TRIM41: variants seen among roughly 807,000 people sequenced by gnomAD.
TRIM41 encodes tripartite motif containing 41, also known as E3 ubiquitin-protein ligase TRIM41.
Under a neutral mutation model 60.6 loss-of-function variants are expected in TRIM41, and 21 were observed. That is an observed-to-expected ratio of 0.35 (90% CI 0.25 to 0.50). TRIM41 has a LOEUF of 0.50. TRIM41 is among the 20% of genes least tolerant of loss of function. The probability of loss-of-function intolerance (pLI) is 0.98; values close to 1 mark genes in which losing one functional copy is unlikely to be tolerated. For synonymous variants in TRIM41, 407 were observed against 344.9 expected (o/e 1.18, Z -2.00); for missense variants, 846 against 868.3 (o/e 0.97, Z 0.32).
chr5:181,228,944 A>AC (rs1407526109), intron 1 of TRIM41: 3 of 151,672 alleles, frequency 2.0e-5, no homozygotes, highest in African/African-American at 7.3e-5. Context: ...AAAAAAAAAA[A>AC]AAAAAAAAAA....
At position 181,223,945 on chromosome 5, in the gene TRIM41, A is replaced by T; in HGVS notation, c.-55A>T. ...GGTCGCCAGGGCGTCGGTAGGGAAG[A>T]CCCCCGCCCCTCGCCCCCCCACCGA... On this transcript the variant is annotated 5_prime_UTR_variant, in exon 1 of 6. Coordinates refer to ENST00000315073, the MANE Select transcript of TRIM41 (RefSeq NM_033549.5). The T allele has an allele frequency of 2.6e-6, 4 of 1,512,204 alleles. No homozygotes were observed. Among genetic ancestry groups the T allele is most frequent in the Non-Finnish European group, 2.7e-6 (3 of 1,117,336 alleles). The allele number at this position is 1,512,204 out of a possible 1,614,324, so 93.7% of individuals were successfully genotyped here. A position where few individuals can be genotyped will look rare whatever the true frequency, so the allele number is the denominator to read the frequency against.
At chr5:181,229,944 G>C (rs1037648350) in intron 1 of TRIM41, 2 of 152,416 alleles carry the variant, frequency 1.3e-5, no homozygotes, top group Non-Finnish European at 2.9e-5. Context: ...GGAAGGCGTT[G>C]AGTGTAGAGG....
At chr5:181,230,565 G>A (rs1033947040) in intron 1 of TRIM41, 179 bp from the exon 2 acceptor site, 1 of 474,900 alleles carries the variant, frequency 2.1e-6, no homozygotes, top group East Asian at 3.7e-5. Context: ...AGAGGGATTG[G>A]AGGCTTTTGT....
In TRIM41 at chr5:181,234,747, A is replaced by G. The variant is rs1245074234; in HGVS notation, c.1865A>G (p.Lys622Arg). ...TTTCCTTTCTTCCGGGTGCTCTCCA[A>G]GGGCACCCGCATCAAGCTCTGCCCT... is the stretch of plus-strand genomic sequence containing the variant. The part of the protein sequence containing the change: ...RVFPFFRVLS[K>R]GTRIKLCP Residue 622 changes from lysine to arginine, a missense_variant, in exon 6 of 6, where the codon AAG becomes AGG. By Grantham distance (26) the Lys-to-Arg change is conservative (BLOSUM62 2). Transcript: ENST00000315073. This position sits in a 1 kb window ranked among gnomAD's most constrained non-coding sequence, Gnocchi z 5.6. The G allele has an allele frequency of 6.2e-7, 1 of 1,613,314 alleles. No individual in the cohort carries two copies. The highest frequency in any genetic ancestry group is 1.3e-5 in the African/African-American group (1 of 74,942).
Position 181,224,531 on chromosome 5 carries a change from C to T in TRIM41, c.532C>T (p.Arg178Trp). ...VTPLPPPPAP[R>W]RCFTCPQCRK... is the part of the protein sequence containing the mutation. ...CCCACTGCCCCCGCCTCCAGCCCCT[C>T]GGAGGTGCTTCACATGCCCTCAGTG... Residue 178 changes from arginine to tryptophan, a missense_variant, in exon 1 of 6, where the codon CGG becomes TGG. Arg to Trp is a moderately radical substitution (Grantham distance 101, BLOSUM62 -3). Transcript: ENST00000315073. 2 of 1,612,584 alleles carry T rather than the reference C, an allele frequency of 1.2e-6. No homozygotes were observed. The highest frequency in any genetic ancestry group is 1.7e-6 in the Non-Finnish European group (2 of 1,178,802).
At position 181,234,609 on chromosome 5, in the gene TRIM41, C is replaced by T; in HGVS notation, c.1727C>T (p.Pro576Leu). 6.2e-7 allele frequency: 1 copy of T among 1,614,110 alleles called. No individual in the cohort carries two copies. Among genetic ancestry groups the T allele is most frequent in the Non-Finnish European group, 8.5e-7 (1 of 1,179,908 alleles). ...EQTLLSPSEK[P>L]RRFGVYLDYE... ...ACGCTGCTGAGCCCCAGTGAGAAAC[C>T]AAGGCGCTTTGGTGTGTACCTGGAC... Residue 576 changes from proline to leucine, a missense_variant, in exon 6 of 6, where the codon CCA becomes CTA. Coordinates refer to ENST00000315073, the MANE Select transcript of TRIM41 (RefSeq NM_033549.5). The surrounding 1 kb of genome is among the most constrained non-coding windows in gnomAD (Gnocchi z 5.6).
At chr5:181,229,073 CGAGTT>C (rs758260316) in intron 1 of TRIM41, 6 of 151,830 alleles carry the variant, frequency 4.0e-5, no homozygotes, top group Non-Finnish European at 8.8e-5. Flanking sequence ...GCTATTGTCA[CGAGTT>C]GACTATAATT....
At chr5:181,231,278 T>C in intron 2 of TRIM41, 1 of 184,632 alleles carries the variant, frequency 5.4e-6, no homozygotes, top group Non-Finnish European at 1.2e-5. Flanking sequence ...GTGTTTAAGC[T>C]GGGGCAGGAT....
chr5:181,229,136 C>G (rs1427889071), intron 1 of TRIM41: 1 of 152,160 alleles, frequency 6.6e-6, no homozygotes, highest in Non-Finnish European at 1.5e-5. Flanking sequence ...TGTGCAGCAA[C>G]TGCTGTTTGC....
intron 2 of TRIM41, chr5:181,231,113 G>A (rs1344557821): frequency 1.2e-5 from 4 of 345,658 alleles, no homozygotes; most frequent in Admixed American, 3.8e-5. Context: ...CTTTCTACCC[G>A]ACACCAGAGC....
In TRIM41 at chr5:181,223,628, G is replaced by A. The variant is rs539153039; in HGVS notation, c.-372G>A. On this transcript the variant is annotated 5_prime_UTR_variant, in exon 1 of 6. Transcript: ENST00000315073. The stretch of plus-strand genomic sequence containing the variant: ...ACAGCGGAGGGAAGTCGCGAGCTTA[G>A]GTGGTGTGTAGACGCCGGAAGTGTT... 318 of 477,238 alleles carry A rather than the reference G, an allele frequency of 6.7e-4. No homozygotes were observed. The highest frequency in any genetic ancestry group is 9.7e-4 in the Non-Finnish European group (264 of 271,260). 29.6% of individuals were successfully genotyped at this position (477,238 alleles called of 1,614,324 possible).
In TRIM41 at chr5:181,223,880, T is replaced by A; in HGVS notation, c.-120T>A. 5 of 1,013,944 alleles carry A rather than the reference T, an allele frequency of 4.9e-6. No homozygotes were observed. Among genetic ancestry groups the A allele is most frequent in the Non-Finnish European group, 7.1e-6 (5 of 702,534 alleles). The allele number at this position is 1,013,944 out of a possible 1,614,324, so 62.8% of individuals were successfully genotyped here. On this transcript the variant is annotated 5_prime_UTR_variant, in exon 1 of 6. Coordinates refer to ENST00000315073, the MANE Select transcript of TRIM41 (RefSeq NM_033549.5). ...GGCAGGACATCTCTCTGGCTGCTCTTGGGGCGAGGTGTGGAGGGGCAGGGC... is the reference window on the plus strand; with the variant it reads ...GGCAGGACATCTCTCTGGCTGCTCTAGGGGCGAGGTGTGGAGGGGCAGGGC...
Position 181,223,403 on chromosome 5 carries a change from C to G in TRIM41, c.-597C>G, listed in dbSNP as rs972370694. The G allele has an allele frequency of 3.7e-5, 15 of 400,058 alleles. No homozygotes were observed. Among genetic ancestry groups the G allele is most frequent in the African/African-American group, 8.2e-5 (4 of 48,660 alleles). The allele number at this position is 400,058 out of a possible 1,614,324, so 24.8% of individuals were successfully genotyped here. A position where few individuals can be genotyped will look rare whatever the true frequency, so the allele number is the denominator to read the frequency against. The stretch of plus-strand genomic sequence containing the variant: ...CGGCCGCCAGGCGCTCCCCCTACCC[C>G]CCGAAGTTTCTCCCCAGCGGCGGGG... On this transcript the variant is annotated 5_prime_UTR_variant, in exon 1 of 6. Coordinates refer to ENST00000315073, the MANE Select transcript of TRIM41 (RefSeq NM_033549.5).
chr5:181,232,782 C>T lies in TRIM41; in HGVS notation c.1033C>T (p.Arg345Cys), dbSNP rs1018943877. The T allele has an allele frequency of 6.8e-6, 11 of 1,611,296 alleles. No individual in the cohort carries two copies. The highest frequency in any genetic ancestry group is 2.2e-5 in the East Asian group (1 of 44,860). ...LREMHEAQLG[R>C]AGAAASRLAE... is the part of the protein sequence containing the mutation. ...AGAGATGCATGAAGCCCAGCTGGGG[C>T]GTGCGGGAGCCGCGGCTAGTCGCCT... The change falls in exon 3 of 6, where the codon CGT becomes TGT. Residue 345 changes from arginine to cysteine, a missense_variant. Coordinates refer to ENST00000315073, the MANE Select transcript of TRIM41 (RefSeq NM_033549.5).
In TRIM41 at chr5:181,235,607, T is replaced by A. The variant is rs1759076752; in HGVS notation, c.*832T>A. The A allele has an allele frequency of 3.1e-6, 2 of 638,898 alleles. No individual in the cohort carries two copies. 39.6% of individuals were successfully genotyped at this position (638,898 alleles called of 1,614,324 possible). ...CCCAGCCCCTTTCCATGCCTTTCAC[T>A]CCATTTGGCAAGCTCTGAGGGGGAG... On this transcript the variant is annotated 3_prime_UTR_variant, in exon 6 of 6. Coordinates refer to ENST00000315073, the MANE Select transcript of TRIM41 (RefSeq NM_033549.5).
chr5:181,223,857 C>T lies in TRIM41; in HGVS notation c.-143C>T. On this transcript the variant is annotated 5_prime_UTR_variant, in exon 1 of 6. Coordinates refer to ENST00000315073, the MANE Select transcript of TRIM41 (RefSeq NM_033549.5). ...ACACTGTGTTGGGGTGGGTTGTCGG[C>T]AGGACATCTCTCTGGCTGCTCTTGG... 1.3e-6 allele frequency: 1 copy of T among 795,696 alleles called. No individual in the cohort carries two copies. The allele number at this position is 795,696 out of a possible 1,614,324, so 49.3% of individuals were successfully genotyped here. A position where few individuals can be genotyped will look rare whatever the true frequency, so the allele number is the denominator to read the frequency against.
intron 1 of TRIM41, chr5:181,230,496 CAAAAA>C (rs60815823): frequency 0.02 from 876 of 43,526 alleles, 2 homozygotes; most frequent in African/African-American, 0.048. Context: ...GACTCTGTCT[CAAAAA>C]AAAAAAAAAA....
At chr5:181,232,323 T>A in intron 2 of TRIM41, 1 of 287,898 alleles carries the variant, frequency 3.5e-6, no homozygotes, top group Non-Finnish European at 6.6e-6. Flanking sequence ...AGAGATACAG[T>A]GATATTTGTG....
intron 1 of TRIM41, chr5:181,226,481 T>C (rs980454789): frequency 6.6e-6 from 1 of 152,250 alleles, no homozygotes; most frequent in Non-Finnish European, 1.5e-5. Flanking sequence ...ATCCTACCAC[T>C]AGAGTTTCTG....
Sources: allele counts gnomAD v4.1 joint callset, GRCh38; gene constraint gnomAD v4.1.1; non-coding constraint Gnocchi (gnomAD v3.1); transcripts MANE v1.5; gene names NCBI Gene and HGNC (gene_info 2026-07-23, HGNC 2026-07-21).